WDR89: variants seen among roughly 807,000 people sequenced by gnomAD.
The protein encoded by WDR89 is WD repeat domain 89.
WDR89 carries 17 observed loss-of-function variants against 29.1 expected under a neutral mutation model. The ratio of observed to expected loss-of-function variants is 0.58; its 90% CI spans 0.40 to 0.88. The LOEUF is 0.88. Ranked by LOEUF, WDR89 falls within the 40% of genes least tolerant of loss-of-function variation. The pLI, the probability that WDR89 is intolerant of heterozygous loss-of-function variation, is 0.00. For synonymous variants in WDR89, 138 were observed against 157.8 expected (o/e 0.87, Z 0.94); for missense variants, 396 against 456.3 (o/e 0.87, Z 1.20).
chr14:63,602,179 C>T (rs1895094352), intron 2 of WDR89, among the ~76,000 whole-genome samples: 1 of 152,124 alleles, frequency 6.6e-6, no homozygotes, highest in South Asian at 2.1e-4. Context: ...AGTACCTACA[C>T]AATAGATGTA....
At chr14:63,619,058 G>A (rs113662903) in intron 2 of WDR89, among the ~76,000 whole-genome samples, 1,834 of 152,248 alleles carry the variant, frequency 0.012, 53 homozygotes, top group African/African-American at 0.042. Context: ...ATCATGGAGC[G>A]AATGCCTCCC....
At chr14:63,612,832 T>G (rs781476933) in intron 2 of WDR89, among the ~76,000 whole-genome samples, 22 of 152,258 alleles carry the variant, frequency 1.4e-4, no homozygotes, top group Admixed American at 3.3e-4. Flanking sequence ...GAAGAGTTGG[T>G]AGGGCTATTT....
intron 2 of WDR89, among the ~76,000 whole-genome samples, chr14:63,622,649 C>T (rs1239708346): frequency 6.6e-6 from 1 of 151,960 alleles, no homozygotes; most frequent in African/African-American, 2.4e-5. Flanking sequence ...TGCCTGTAAT[C>T]CCAGCTACTC....
chr14:63,630,940 T>A (rs1211182781), intron 1 of WDR89, among the ~76,000 whole-genome samples: 2 of 152,108 alleles, frequency 1.3e-5, no homozygotes, highest in Non-Finnish European at 2.9e-5. Flanking sequence ...ATGCCCCAGC[T>A]AATTTTTTAA....
chr14:63,620,044 T>G (rs988119234), intron 2 of WDR89, among the ~76,000 whole-genome samples: 45 of 149,548 alleles, frequency 3.0e-4, no homozygotes, highest in African/African-American at 1.1e-3. Context: ...GAAATCAGTA[T>G]GTCAAAGAGA....
Position 63,634,464 on chromosome 14 carries a change from G to C in WDR89, c.-138+7340C>G, listed in dbSNP as rs561630312. Among the ~76,000 whole-genome samples the C allele has an allele frequency of 1.6e-3, 237 of 151,770 alleles. 1 individual carries two copies. Among genetic ancestry groups the C allele is most frequent in the African/African-American group, 5.5e-3 (228 of 41,326 alleles). On this transcript the variant is annotated intron_variant, in intron 1 of 2. Coordinates refer to ENST00000620954, the MANE Select transcript of WDR89 (RefSeq NM_080666.4). ...CTTGAACCAGGAGGCAGAGGTTGCA[G>C]AGAGCCAAGATCGTGCCACTGCACT... is the stretch of plus-strand genomic sequence containing the variant.
At chr14:63,605,115 C>T (rs1431647930) in intron 2 of WDR89, among the ~76,000 whole-genome samples, 2 of 151,942 alleles carry the variant, frequency 1.3e-5, no homozygotes, top group Non-Finnish European at 2.9e-5. Context: ...CACCACTGCA[C>T]TTCAGCCTCG....
intron 2 of WDR89, chr14:63,601,372 AACC>A: frequency 3.4e-6 from 2 of 594,820 alleles, no homozygotes; most frequent in Non-Finnish European, 6.0e-6. Context: ...CTGTGCTCTA[AACC>A]ACCATACTAG....
intron 2 of WDR89, among the ~76,000 whole-genome samples, chr14:63,615,296 CCAAA>C (rs1262670223): frequency 3.9e-5 from 6 of 152,124 alleles, no homozygotes; most frequent in Admixed American, 1.3e-4. Flanking sequence ...AGCTGGTTAA[CCAAA>C]CAGAGAAACC....
intron 1 of WDR89, among the ~76,000 whole-genome samples, chr14:63,625,504 C>G (rs1374251545): frequency 1.3e-5 from 2 of 152,072 alleles, no homozygotes; most frequent in Non-Finnish European, 2.9e-5. Flanking sequence ...TACACTTTAA[C>G]AAACCTGATC....
intron 2 of WDR89, chr14:63,601,473 A>T: frequency 1.7e-6 from 2 of 1,208,656 alleles, no homozygotes; most frequent in Non-Finnish European, 2.4e-6. Flanking sequence ...AATTCTTGAC[A>T]CTAGAGCAGA....
At chr14:63,628,765 A>G (rs867933627) in intron 1 of WDR89, among the ~76,000 whole-genome samples, 5 of 152,302 alleles carry the variant, frequency 3.3e-5, no homozygotes, top group Admixed American at 6.5e-5. Context: ...GTTTGAGACC[A>G]GCCTGGGCAA....
At chr14:63,618,386 C>T (rs1595028166) in intron 2 of WDR89, among the ~76,000 whole-genome samples, 1 of 152,072 alleles carries the variant, frequency 6.6e-6, no homozygotes, top group African/African-American at 2.4e-5. Flanking sequence ...AACTCCTGGA[C>T]TCAAGCAATC....
intron 2 of WDR89, among the ~76,000 whole-genome samples, chr14:63,621,428 T>C (rs981727065): frequency 2.0e-5 from 3 of 151,948 alleles, no homozygotes; most frequent in Non-Finnish European, 4.4e-5. Context: ...TGAAACCCCA[T>C]CTCTACTAAA....
chr14:63,618,354 C>G (rs1475385180), intron 2 of WDR89, among the ~76,000 whole-genome samples: 1 of 151,798 alleles, frequency 6.6e-6, no homozygotes, highest in Non-Finnish European at 1.5e-5. Context: ...GGGGTTTTGC[C>G]ATGTTGCCCA....
rs371589367 is a variant in WDR89 at position 63,598,830 on chromosome 14, T to C, written c.1113A>G (p.Gln371=). ...AATCATTACTATGAACTCGTACTCG[T>C]TGGTGCACAGAGGATGCTATTTTCA... ...ESMKIASSVH[Q]RVRVHSNDSY... Residue 371 remains glutamine (Q), a synonymous_variant, in exon 3 of 3, where the codon CAA becomes CAG. Coordinates refer to ENST00000620954, the MANE Select transcript of WDR89 (RefSeq NM_080666.4). 52 of 1,612,284 alleles carry C rather than the reference T, an allele frequency of 3.2e-5. No individual in the cohort carries two copies. Among genetic ancestry groups the C allele is most frequent in the Middle Eastern group, 3.3e-4 (2 of 6,064 alleles).
chr14:63,605,077 A>T (rs1355099014), intron 2 of WDR89, among the ~76,000 whole-genome samples: 1 of 152,064 alleles, frequency 6.6e-6, no homozygotes, highest in East Asian at 1.9e-4. Flanking sequence ...TGAGCCCGGG[A>T]GGCTGAGGCT....
At chr14:63,613,475 G>T (rs1032876132) in intron 2 of WDR89, among the ~76,000 whole-genome samples, 5 of 149,948 alleles carry the variant, frequency 3.3e-5, no homozygotes, top group Non-Finnish European at 5.9e-5. Context: ...TATTTTTTGT[G>T]TATTCCAGCT....
At chr14:63,618,558 G>C (rs1447929860) in intron 2 of WDR89, among the ~76,000 whole-genome samples, 5 of 152,064 alleles carry the variant, frequency 3.3e-5, no homozygotes, top group African/African-American at 1.2e-4. Flanking sequence ...AGAGCTAAAA[G>C]ATATGGTTAA....
Sources: allele counts gnomAD v4.1 joint callset (sites outside exome capture counted in the v4.1 genomes callset), GRCh38; gene constraint gnomAD v4.1.1; transcripts MANE v1.5; gene names NCBI Gene and HGNC (gene_info 2026-07-23, HGNC 2026-07-21).